SMIM22: variants seen among roughly 807,000 people sequenced by gnomAD.
SMIM22 encodes cancer associated small integral membrane open reading frame 1.
SMIM22 carries 16 observed loss-of-function variants against 8.4 expected under a neutral mutation model. The ratio of observed to expected loss-of-function variants is 1.90; its 90% CI spans 1.29 to 2.89. The LOEUF (loss-of-function observed/expected upper bound fraction) is 2.89, where lower values mean the gene tolerates loss of function less well. SMIM22 is among the 30% of genes most tolerant of loss of function. The pLI is 0.00. For synonymous variants in SMIM22, 67 were observed against 47.6 expected, an observed-to-expected ratio of 1.41 and a Z score of -1.68; for missense variants, 159 against 107.5, an observed-to-expected ratio of 1.48 and a Z score of -2.12.
upstream of SMIM22, among the ~76,000 whole-genome samples, chr16:4,793,033 C>T (rs565807322): frequency 5.5e-5 from 8 of 144,290 alleles, no homozygotes; most frequent in South Asian, 4.7e-4. Flanking sequence ...CGCTCGAACC[C>T]GGGAGGCGGA....
upstream of SMIM22, among the ~76,000 whole-genome samples, chr16:4,794,031 G>A (rs914848491): frequency 6.6e-6 from 1 of 152,158 alleles, no homozygotes; most frequent in Non-Finnish European, 1.5e-5. Context: ...CGCCTCCTGG[G>A]TTCAAGCGAT....
rs1239478421 is a variant in SMIM22, at chr16:4,796,323, G to A, written c.*92G>A. 6.9e-7 allele frequency: 1 copy of A among 1,451,440 alleles called. No individual in the cohort carries two copies. The highest frequency in any genetic ancestry group is 1.3e-5 in the South Asian group (1 of 76,836). The allele number at this position is 1,451,440 out of a possible 1,614,324, so 89.9% of individuals were successfully genotyped here. On this transcript the variant is annotated 3_prime_UTR_variant, in exon 4 of 4. Transcript: ENST00000586005. The stretch of plus-strand genomic sequence containing the variant: ...TCTTCCAGTCCCCGTCTGGGTGGGT[G>A]ACGCGGGACTCGCCGCCCCACTCAG...
upstream of SMIM22, among the ~76,000 whole-genome samples, chr16:4,794,634 G>A (rs2082604123): frequency 6.6e-6 from 1 of 151,878 alleles, no homozygotes; most frequent in Non-Finnish European, 1.5e-5. Flanking sequence ...TGGTCAGTCA[G>A]GCTGGTCTCA....
upstream of SMIM22, among the ~76,000 whole-genome samples, chr16:4,793,273 A>G (rs1188021124): frequency 6.6e-6 from 1 of 152,176 alleles, no homozygotes; most frequent in Non-Finnish European, 1.5e-5. Flanking sequence ...TAGAACCTTC[A>G]GGATGAACAC....
Position 4,795,947 on chromosome 16 carries a change from G to A in SMIM22, c.125-1G>A, listed in dbSNP as rs1005975337. ...CACCTGGACGCCTGTCCTGTCCCCA[G>A]GCACCGTGCTGCTCCTGCTGCTGCT... On this transcript the variant is annotated splice_acceptor_variant, in intron 2 of 3. Transcript: ENST00000586005. LOFTEE classifies it high-confidence loss of function. 7 of 1,510,836 alleles carry A rather than the reference G, an allele frequency of 4.6e-6. No homozygotes were observed. The African/African-American group carries it at 9.7e-5, about 21-fold the overall frequency. 93.6% of individuals were successfully genotyped at this position (1,510,836 alleles called of 1,614,324 possible).
upstream of SMIM22, among the ~76,000 whole-genome samples, chr16:4,791,026 GTGA>G: frequency 6.6e-6 from 1 of 152,330 alleles, no homozygotes; most frequent in East Asian, 1.9e-4. Context: ...AATGGCTCTG[GTGA>G]TGGTGACGTG....
At chr16:4,791,563 T>C (rs1196553099), upstream of SMIM22, among the ~76,000 whole-genome samples, 4 of 152,112 alleles carry the variant, frequency 2.6e-5, no homozygotes, top group Non-Finnish European at 4.4e-5. Context: ...AGCTCACACA[T>C]TGGTGGGTCT....
upstream of SMIM22, among the ~76,000 whole-genome samples, chr16:4,793,947 A>AT (rs761143483): frequency 4.1e-5 from 6 of 144,624 alleles, no homozygotes; most frequent in African/African-American, 1.0e-4. Flanking sequence ...CAGCCAATTT[A>AT]TTTTTTTTGA....
chr16:4,792,515 A>G (rs1487612715), upstream of SMIM22, among the ~76,000 whole-genome samples: 16 of 145,520 alleles, frequency 1.1e-4, no homozygotes, highest in Admixed American at 2.7e-4. Context: ...AAATAGAAGT[A>G]TGTCTGCTGG....
chr16:4,790,713 G>A (rs1417245292), upstream of SMIM22, among the ~76,000 whole-genome samples: 3 of 152,148 alleles, frequency 2.0e-5, no homozygotes, highest in Non-Finnish European at 2.9e-5. Flanking sequence ...AGCTTGAACC[G>A]AGGAGGTGGA....
At position 4,796,167 on chromosome 16, in the gene SMIM22, G is replaced by A. The variant is rs1440011490; in HGVS notation, c.226-23G>A. The A allele has an allele frequency of 2.0e-6, 3 of 1,536,040 alleles. No individual in the cohort carries two copies. In the Admixed American group the frequency reaches 5.9e-5, roughly 30 times the overall value. The stretch of plus-strand genomic sequence containing the variant: ...AGGGAACAACGAGCGAACCTGCTTG[G>A]TCCCGCTGTGCTTCTCGTGCAGGAA... On this transcript the variant is annotated intron_variant, in intron 3 of 3. Coordinates refer to ENST00000586005, the MANE Select transcript of SMIM22 (RefSeq NM_001253794.2).
rs1346011475 is a variant in SMIM22 at position 4,795,443 on chromosome 16, C to T, written c.-27C>T. Reference sequence around the variant, plus strand: ...GCCTGGTTGGGGGAATTGGAGGCTTCTAGGAGGTAGGTGGGGGCCTGGGGG... The same window carrying T: ...GCCTGGTTGGGGGAATTGGAGGCTTTTAGGAGGTAGGTGGGGGCCTGGGGG... On this transcript the variant is annotated 5_prime_UTR_variant, in exon 1 of 4. Coordinates refer to ENST00000586005, the MANE Select transcript of SMIM22 (RefSeq NM_001253794.2). The T allele has an allele frequency of 4.5e-6, 2 of 441,274 alleles. No individual in the cohort carries two copies. Among genetic ancestry groups the T allele is most frequent in the African/African-American group, 4.1e-5 (2 of 49,034 alleles). 27.3% of individuals were successfully genotyped at this position (441,274 alleles called of 1,614,324 possible).
intron 3 of SMIM22, 44 bp downstream of exon 3, chr16:4,796,092 G>A (rs1365522851): frequency 1.3e-6 from 2 of 1,535,574 alleles, no homozygotes; most frequent in Non-Finnish European, 1.7e-6. Context: ...ACTGTACTGG[G>A]GGTGGAGGCG....
Position 4,795,464 on chromosome 16 carries a change from G to A in SMIM22, c.-21+15G>A. On this transcript the variant is annotated intron_variant, in intron 1 of 3. Coordinates refer to ENST00000586005, the MANE Select transcript of SMIM22 (RefSeq NM_001253794.2). Reference sequence around the variant, plus strand: ...GCTTCTAGGAGGTAGGTGGGGGCCTGGGGGCTGGGCTGCCAGGGGGAGAGA... The same window carrying A: ...GCTTCTAGGAGGTAGGTGGGGGCCTAGGGGCTGGGCTGCCAGGGGGAGAGA... 2.5e-6 allele frequency: 1 copy of A among 405,908 alleles called. No individual in the cohort carries two copies. The highest frequency in any genetic ancestry group is 5.2e-5 in the Admixed American group (1 of 19,360). The allele number at this position is 405,908 out of a possible 1,614,324, so 25.1% of individuals were successfully genotyped here.
chr16:4,793,218 C>T (rs1178506695), upstream of SMIM22, among the ~76,000 whole-genome samples: 1 of 151,878 alleles, frequency 6.6e-6, no homozygotes, highest in African/African-American at 2.4e-5. Context: ...CCAGGAATGC[C>T]ACCACCCTCT....
chr16:4,792,050 A>C (rs564949889), upstream of SMIM22, among the ~76,000 whole-genome samples: 1 of 152,066 alleles, frequency 6.6e-6, no homozygotes, highest in South Asian at 2.1e-4. Flanking sequence ...TACGACTTTC[A>C]TAATAGTAAC....
intron 2 of SMIM22, chr16:4,789,888 C>T (rs944871303): frequency 6.6e-6 from 1 of 151,396 alleles, no homozygotes; most frequent in African/African-American, 2.4e-5. Context: ...TTTCTTTTTT[C>T]TTTCTTTTCT....
At chr16:4,788,872 C>T (rs1044709336) in intron 2 of SMIM22, 1 of 152,154 alleles carries the variant, frequency 6.6e-6, no homozygotes, top group African/African-American at 2.4e-5. Flanking sequence ...CCCTCTACTG[C>T]CTTTTTCTGG....
upstream of SMIM22, among the ~76,000 whole-genome samples, chr16:4,794,628 C>T (rs1234818810): frequency 2.0e-5 from 3 of 152,140 alleles, no homozygotes; most frequent in Non-Finnish European, 2.9e-5. Flanking sequence ...CCACGTTGGT[C>T]AGTCAGGCTG....
Sources: gnomAD v4.1 joint callset for allele counts (sites outside exome capture counted in the v4.1 genomes callset) on GRCh38, gnomAD v4.1.1 for gene constraint, MANE v1.5 for transcripts, NCBI Gene and HGNC (gene_info 2026-07-23, HGNC 2026-07-21) for gene names.